CYLD: variants seen among roughly 807,000 people sequenced by gnomAD.
The protein encoded by CYLD is ubiquitin carboxyl-terminal hydrolase CYLD.
In CYLD, 26 loss-of-function variants were observed where a neutral mutation model predicts 104.5. The ratio of observed to expected loss-of-function variants is 0.25; its 90% CI spans 0.18 to 0.35. The LOEUF (loss-of-function observed/expected upper bound fraction) is 0.35, where lower values mean the gene tolerates loss of function less well. CYLD is among the 10% of genes least tolerant of loss of function. CYLD has a pLI of 1.00. For synonymous variants in CYLD, 385 were observed against 399.9 expected, an observed-to-expected ratio of 0.96 and a Z score of 0.45; for missense variants, 703 against 1,136.1, an observed-to-expected ratio of 0.62 and a Z score of 5.48.
At chr16:50,762,345 A>G (rs1489930926) in intron 5 of CYLD, among the ~76,000 whole-genome samples, 1 of 152,178 alleles carries the variant, frequency 6.6e-6, no homozygotes, top group East Asian at 1.9e-4. Flanking sequence ...TAAGTGTGTT[A>G]TTCACTTAGA....
Position 50,794,375 on chromosome 16 carries a change from A to T in CYLD, c.2633A>T (p.Tyr878Phe), listed in dbSNP as rs1039611515. ...ETSHYVAFVKYGKDDSAWLFF... is the reference protein window; with the variant it reads ...ETSHYVAFVKFGKDDSAWLFF... ...AGCCACTATGTTGCTTTTGTGAAGT[A>T]TGGGAAGGACGATTCTGCCTGGCTC... The change falls in exon 18 of 19, where the codon TAT becomes TTT. Residue 878 changes from tyrosine to phenylalanine, a missense_variant. Physicochemically the swap from Tyr to Phe is conservative, Grantham distance 22 (BLOSUM62 3). Around this residue, in one of 5 missense-constraint regions of CYLD, gnomAD observed 130 missense variants for 220.2 expected, o/e 0.59. Transcript: ENST00000427738. This position sits in a 1 kb window ranked among gnomAD's most constrained non-coding sequence, Gnocchi z 4.1. 3.7e-6 allele frequency: 6 copies of T among 1,614,162 alleles called. No homozygotes were observed. Among genetic ancestry groups the T allele is most frequent in the Middle Eastern group, 1.6e-4 (1 of 6,062 alleles).
intron 14 of CYLD, among the ~76,000 whole-genome samples, chr16:50,789,039 C>T (rs1567455380): frequency 6.6e-6 from 1 of 152,040 alleles, no homozygotes; most frequent in Non-Finnish European, 1.5e-5. Flanking sequence ...GAGTTCTCTA[C>T]AAAATGAAGT....
chr16:50,770,863 T>C (rs1969071343), intron 5 of CYLD, among the ~76,000 whole-genome samples: 1 of 152,238 alleles, frequency 6.6e-6, no homozygotes, highest in Non-Finnish European at 1.5e-5. Flanking sequence ...TTCTAGATAC[T>C]AATTCTTTGT....
chr16:50,794,509 T>C lies in CYLD; in HGVS notation c.2686+81T>C, dbSNP rs753450941. The C allele has an allele frequency of 7.7e-7, 1 of 1,291,656 alleles. No homozygotes were observed. 80.0% of individuals were successfully genotyped at this position (1,291,656 alleles called of 1,614,324 possible). A position where few individuals can be genotyped will look rare whatever the true frequency, so the allele number is the denominator to read the frequency against. On this transcript the variant is annotated intron_variant, in intron 18 of 18. Coordinates refer to ENST00000427738, the MANE Select transcript of CYLD (RefSeq NM_001378743.1). This position sits in a 1 kb window ranked among gnomAD's most constrained non-coding sequence, Gnocchi z 4.1. ...CAGTTTGTAGTGGGATCGCCTGTTC[T>C]GAGTGATATTTTCTGAGAAAATCCT...
Position 50,751,694 on chromosome 16 carries a change from T to C in CYLD, c.595T>C (p.Leu199=), listed in dbSNP as rs769069948. Residue 199 remains leucine, a synonymous_variant, in exon 4 of 19, where the codon TTG becomes CTG. Coordinates refer to ENST00000427738, the MANE Select transcript of CYLD (RefSeq NM_001378743.1). ...TGAAGATTGTGGCGTGTTTGTTGCA[T>C]TGGACAAGCTAGAACTCATAGAAGA... The part of the protein sequence containing the change: ...CDEDCGVFVA[L]DKLELIEDDD... The C allele has an allele frequency of 1.9e-6, 3 of 1,613,746 alleles. No individual in the cohort carries two copies. Among genetic ancestry groups the C allele is most frequent in the South Asian group, 1.1e-5 (1 of 91,066 alleles).
chr16:50,742,801 C>G lies in CYLD; in HGVS notation c.-164C>G, dbSNP rs1474813592. ...GGGTGAGGATGGTTCTACACAGCCA[C>G]CCGGAGTTCCTTAGTTGAAAGGTGC... On this transcript the variant is annotated 5_prime_UTR_variant, in exon 2 of 19. Coordinates refer to ENST00000427738, the MANE Select transcript of CYLD (RefSeq NM_001378743.1). 2 of 398,304 alleles carry G rather than the reference C, an allele frequency of 5.0e-6. No homozygotes were observed. The highest frequency in any genetic ancestry group is 8.8e-6 in the Non-Finnish European group (2 of 226,064). The allele number at this position is 398,304 out of a possible 1,614,324, so 24.7% of individuals were successfully genotyped here. A position where few individuals can be genotyped will look rare whatever the true frequency, so the allele number is the denominator to read the frequency against.
Position 50,800,577 on chromosome 16 carries a change from C to T in CYLD, c.*4069C>T, listed in dbSNP as rs905571070. ...GTTATTTACCTGGATATTTTCTTCC[C>T]CTTTTATTTATTTAGAGGAAATTGA... On this transcript the variant is annotated 3_prime_UTR_variant, in exon 19 of 19. Coordinates refer to ENST00000427738, the MANE Select transcript of CYLD (RefSeq NM_001378743.1). 7.7e-5 allele frequency: 18 copies of T among 232,488 alleles called. No individual in the cohort carries two copies. The highest frequency in any genetic ancestry group is 3.9e-4 in the Admixed American group (7 of 17,736). The allele number at this position is 232,488 out of a possible 1,614,324, so 14.4% of individuals were successfully genotyped here.
At chr16:50,777,159 A>G (rs912948155) in intron 7 of CYLD, among the ~76,000 whole-genome samples, 4 of 152,154 alleles carry the variant, frequency 2.6e-5, no homozygotes, top group African/African-American at 9.7e-5. Flanking sequence ...AAGGGAAATC[A>G]GCTTTTTTGT....
At chr16:50,778,012 A>G in intron 8 of CYLD, 71 bp downstream of exon 8, 1 of 894,200 alleles carries the variant, frequency 1.1e-6, no homozygotes, top group Non-Finnish European at 1.9e-6. Context: ...ATGGTTTTTT[A>G]TATCAATATT....
At chr16:50,772,171 C>T (rs1969223371) in intron 5 of CYLD, among the ~76,000 whole-genome samples, 1 of 152,100 alleles carries the variant, frequency 6.6e-6, no homozygotes, top group South Asian at 2.1e-4. Context: ...CTAGAGAGAG[C>T]AAAACTTTGG....
At position 50,801,424 on chromosome 16, in the gene CYLD, A is replaced by C. The variant is rs1872411488; in HGVS notation, c.*4916A>C. The C allele has an allele frequency of 4.3e-6, 1 of 233,682 alleles. No homozygotes were observed. The highest frequency in any genetic ancestry group is 2.2e-5 in the African/African-American group (1 of 45,340). The allele number at this position is 233,682 out of a possible 1,614,324, so 14.5% of individuals were successfully genotyped here. On this transcript the variant is annotated 3_prime_UTR_variant, in exon 19 of 19. Transcript: ENST00000427738. ...GGTTAGGGAGAAGGGCCACAAATGG[A>C]GGGATTGTCCTTTCAAGCACCACAG... is the stretch of plus-strand genomic sequence containing the variant.
chr16:50,784,718 C>T, intron 12 of CYLD: 1 of 384,948 alleles, frequency 2.6e-6, no homozygotes, highest in Non-Finnish European at 4.9e-6. Context: ...TTAGCAATTG[C>T]AGTATGTTTA....
chr16:50,760,141 A>G (rs1032258089), intron 5 of CYLD, among the ~76,000 whole-genome samples: 4 of 152,204 alleles, frequency 2.6e-5, no homozygotes, highest in Admixed American at 1.3e-4. Flanking sequence ...TAAGTTGCAG[A>G]TACCAGTTCA....
chr16:50,756,548 C>G (rs1394542816), intron 5 of CYLD, among the ~76,000 whole-genome samples: 7 of 152,162 alleles, frequency 4.6e-5, no homozygotes, highest in African/African-American at 1.4e-4. Context: ...AGGTAATTGA[C>G]AATTTCTGTT....
chr16:50,762,456 C>A (rs1403926308), intron 5 of CYLD, among the ~76,000 whole-genome samples: 3 of 152,152 alleles, frequency 2.0e-5, no homozygotes, highest in Non-Finnish European at 4.4e-5. Flanking sequence ...ACGTGTGGAT[C>A]TTTCTGAGCC....
rs1972347355 is a variant in CYLD at position 50,800,062 on chromosome 16, A to AG, written c.*3555dup. On this transcript the variant is annotated 3_prime_UTR_variant, in exon 19 of 19. Coordinates refer to ENST00000427738, the MANE Select transcript of CYLD (RefSeq NM_001378743.1). The stretch of plus-strand genomic sequence containing the variant: ...TGTGCTGTGACAGAAAAAGTGGCAG[A>AG]GTAGGGACGAGAGACCTGCATTCTA... 1 of 233,062 alleles carries AG rather than the reference A, an allele frequency of 4.3e-6. No homozygotes were observed. The highest frequency in any genetic ancestry group is 8.5e-6 in the Non-Finnish European group (1 of 118,030). The allele number at this position is 233,062 out of a possible 1,614,324, so 14.4% of individuals were successfully genotyped here. A position where few individuals can be genotyped will look rare whatever the true frequency, so the allele number is the denominator to read the frequency against.
chr16:50,789,778 T>C lies in CYLD; in HGVS notation c.2109-1780T>C, dbSNP rs369541104. 2.0e-4 allele frequency among the ~76,000 whole-genome samples: 30 copies of C among 152,304 alleles called. 1 individual carries two copies. The highest frequency in any genetic ancestry group is 7.0e-4 in the African/African-American group (29 of 41,570). ...AAATAGTCTAAAAGAGACTATAAGA[T>C]GTTCTTAAATGATTGAAGAGACAAA... On this transcript the variant is annotated intron_variant, in intron 14 of 18. Coordinates refer to ENST00000427738, the MANE Select transcript of CYLD (RefSeq NM_001378743.1).
intron 12 of CYLD, 27 bp downstream of exon 12, chr16:50,784,478 G>A (rs776379673): frequency 4.4e-6 from 7 of 1,608,718 alleles, no homozygotes; most frequent in Non-Finnish European, 5.9e-6. Flanking sequence ...TTGCTATTTT[G>A]CCTTTACATG....
At position 50,755,074 on chromosome 16, in the gene CYLD, T is replaced by C. The variant is rs1244498715; in HGVS notation, c.913+650T>C. 2.7e-5 allele frequency among the ~76,000 whole-genome samples: 3 copies of C among 113,064 alleles called. No homozygotes were observed. The South Asian group carries it at 9.4e-4, about 35-fold the overall frequency. The allele number at this position is 113,064 out of a possible 152,430, so 74.2% of individuals were successfully genotyped here. On this transcript the variant is annotated intron_variant, in intron 5 of 18. Coordinates refer to ENST00000427738, the MANE Select transcript of CYLD (RefSeq NM_001378743.1). ...ATGTATATATACATATAGATATGTATACATATACACACATATATACATACA... is the reference window on the plus strand; with the variant it reads ...ATGTATATATACATATAGATATGTACACATATACACACATATATACATACA...
Sources: gnomAD v4.1 joint callset for allele counts (sites outside exome capture counted in the v4.1 genomes callset) on GRCh38, gnomAD v4.1.1 for gene constraint, gnomAD v4.1.1 regional missense constraint, Gnocchi (gnomAD v3.1) non-coding constraint, MANE v1.5 for transcripts, NCBI Gene and HGNC (gene_info 2026-07-23, HGNC 2026-07-21) for gene names.